KCNQ3: variants seen among roughly 807,000 people sequenced by gnomAD.
KCNQ3 encodes potassium voltage-gated channel subfamily KQT member 3.
A neutral mutation model predicts 92.5 loss-of-function variants in KCNQ3; 30 were observed. The ratio of observed to expected loss-of-function variants is 0.32; its 90% CI spans 0.24 to 0.44. The LOEUF (loss-of-function observed/expected upper bound fraction) is 0.44. Among genes scored for constraint, KCNQ3 ranks in the 20% least tolerant of loss-of-function variants. KCNQ3 has a pLI of 1.00. For synonymous variants in KCNQ3, 450 were observed against 468.8 expected, an observed-to-expected ratio of 0.96 and a Z score of 0.52; for missense variants, 913 against 1,140.3, an observed-to-expected ratio of 0.80 and a Z score of 2.87.
chr8:132,339,833 C>A (rs911706187), intron 1 of KCNQ3, among the ~76,000 whole-genome samples: 1 of 152,008 alleles, frequency 6.6e-6, no homozygotes, highest in Non-Finnish European at 1.5e-5. Context: ...GACACCCAGA[C>A]CCTGGGAACA....
intron 1 of KCNQ3, among the ~76,000 whole-genome samples, chr8:132,473,651 A>G (rs1822341664): frequency 6.6e-6 from 1 of 152,236 alleles, no homozygotes. Context: ...ACAAGAGCCT[A>G]TAACTTACTT....
At chr8:132,242,709 A>G (rs1025254678) in intron 1 of KCNQ3, among the ~76,000 whole-genome samples, 4 of 152,228 alleles carry the variant, frequency 2.6e-5, no homozygotes, top group Non-Finnish European at 5.9e-5. Context: ...TAGGTACCAA[A>G]TGAATATTTA....
In KCNQ3 at chr8:132,174,270, A is replaced by G. The variant is rs139819686; in HGVS notation, c.1013T>C (p.Leu338Ser). Reference sequence around the variant, plus strand: ...AAGGGCAAAAAAGGAGACGCCAATTAAGGAAAAGGTGGCGGCAATCAGACG... The same window carrying G: ...AAGGGCAAAAAAGGAGACGCCAATTGAGGAAAAGGTGGCGGCAATCAGACG... ...EGRLIAATFS[L>S]IGVSFFALPA... Residue 338 changes from leucine to serine, a missense_variant, in exon 6 of 15, where the codon TTA becomes TCA. Leu to Ser is a moderately radical substitution (Grantham distance 145). Around this residue, in one of 6 missense-constraint regions of KCNQ3, gnomAD observed 52 missense variants for 127.7 expected, o/e 0.41. Coordinates refer to ENST00000388996, the MANE Select transcript of KCNQ3 (RefSeq NM_004519.4). 2.6e-6 allele frequency: 4 copies of G among 1,551,654 alleles called. No individual in the cohort carries two copies. In the African/African-American group the frequency reaches 5.5e-5, roughly 21 times the overall value.
intron 1 of KCNQ3, among the ~76,000 whole-genome samples, chr8:132,383,671 G>T (rs529073642): frequency 3.3e-5 from 5 of 152,234 alleles, no homozygotes; most frequent in African/African-American, 1.2e-4. Flanking sequence ...AGCCGAAGCA[G>T]TGCCTGGTAC....
chr8:132,292,150 T>C (rs547437860), intron 1 of KCNQ3, among the ~76,000 whole-genome samples: 4 of 152,170 alleles, frequency 2.6e-5, no homozygotes, highest in Non-Finnish European at 5.9e-5. Context: ...TAATCAAATA[T>C]ATAAAAGGCA....
At chr8:132,459,789 T>C (rs1214764430) in intron 1 of KCNQ3, among the ~76,000 whole-genome samples, 2 of 151,792 alleles carry the variant, frequency 1.3e-5, no homozygotes, top group Non-Finnish European at 2.9e-5. Context: ...AAGTCACTTA[T>C]GCAGCCCTCA....
chr8:132,352,515 G>GTGAGTT (rs1818904844), intron 1 of KCNQ3, among the ~76,000 whole-genome samples: 2 of 152,102 alleles, frequency 1.3e-5, no homozygotes, highest in African/African-American at 4.8e-5. Flanking sequence ...TCACTGCCCC[G>GTGAGTT]AGCTGCTGTG....
At chr8:132,187,786 G>A (rs1475623121) in intron 1 of KCNQ3, among the ~76,000 whole-genome samples, 2 of 149,566 alleles carry the variant, frequency 1.3e-5, no homozygotes, top group African/African-American at 4.9e-5. Flanking sequence ...AGTGATGGTG[G>A]TGGCGGTGGT....
chr8:132,336,261 G>T lies in KCNQ3; in HGVS notation c.386+143886C>A, dbSNP rs563095300. On this transcript the variant is annotated intron_variant, in intron 1 of 14. Coordinates refer to ENST00000388996, the MANE Select transcript of KCNQ3 (RefSeq NM_004519.4). ...CCCTGCACCATTGGCATGGCCTCCAGCTGTGCCTCCACCTCCACATCTGTG... is the reference window on the plus strand; with the variant it reads ...CCCTGCACCATTGGCATGGCCTCCATCTGTGCCTCCACCTCCACATCTGTG... Among the ~76,000 whole-genome samples, 24 of 152,234 alleles carry T rather than the reference G, an allele frequency of 1.6e-4. No individual in the cohort carries two copies. The South Asian group carries it at 5.0e-3, about 32-fold the overall frequency.
At chr8:132,191,643 A>AAT (rs138656437) in intron 1 of KCNQ3, among the ~76,000 whole-genome samples, 5,399 of 148,102 alleles carry the variant, frequency 0.036, 156 homozygotes, top group Non-Finnish European at 0.056. Context: ...TAATATATAT[A>AAT]ATATATATAA....
At chr8:132,243,927 T>C (rs1425846000) in intron 1 of KCNQ3, among the ~76,000 whole-genome samples, 1 of 152,196 alleles carries the variant, frequency 6.6e-6, no homozygotes, top group Admixed American at 6.5e-5. Context: ...TGCCCATCCT[T>C]TACCAAAAAA....
At chr8:132,359,743 C>T (rs968694988) in intron 1 of KCNQ3, among the ~76,000 whole-genome samples, 2 of 152,102 alleles carry the variant, frequency 1.3e-5, no homozygotes, top group African/African-American at 4.8e-5. Context: ...TTACAAAGCA[C>T]CTTTGTATTC....
intron 1 of KCNQ3, among the ~76,000 whole-genome samples, chr8:132,403,032 A>AAAAAAAAAAAAAAAAAAAAAAAAAAAAAT (rs61533581): frequency 1.3e-5 from 2 of 148,662 alleles, no homozygotes; most frequent in Non-Finnish European, 3.0e-5. Flanking sequence ...AAAAAAAAAA[A>AAAAAAAAAAAAAAAAAAAAAAAAAAAAAT]GTGTCAATAT....
chr8:132,272,323 C>A (rs1019662237), intron 1 of KCNQ3, among the ~76,000 whole-genome samples: 2 of 152,190 alleles, frequency 1.3e-5, no homozygotes. Context: ...AGGCTGGAAT[C>A]TGGGCTGTGA....
chr8:132,388,337 T>C (rs941092307), intron 1 of KCNQ3, among the ~76,000 whole-genome samples: 1 of 152,206 alleles, frequency 6.6e-6, no homozygotes, highest in Non-Finnish European at 1.5e-5. Context: ...ACTCCACTTC[T>C]AGGAATACAT....
chr8:132,184,235 A>G lies in KCNQ3; in HGVS notation c.604+6T>C, dbSNP rs775976589. On this transcript the variant is annotated splice_donor_region_variant and intron_variant, in intron 3 of 14. Coordinates refer to ENST00000388996, the MANE Select transcript of KCNQ3 (RefSeq NM_004519.4). ...GGAGGCTGGGAGGCTCAGGGTCAGG[A>G]CTTACCCAACATGCACAGGGGCTTC... is the stretch of plus-strand genomic sequence containing the variant. 8.1e-6 allele frequency: 13 copies of G among 1,614,040 alleles called. No homozygotes were observed. The African/African-American group carries it at 1.7e-4, about 22-fold the overall frequency.
chr8:132,383,292 G>C (rs1819801032), intron 1 of KCNQ3, among the ~76,000 whole-genome samples: 1 of 152,206 alleles, frequency 6.6e-6, no homozygotes, highest in African/African-American at 2.4e-5. Context: ...TGAGAAATCA[G>C]ACATTTTCTC....
chr8:132,170,302 C>A, intron 8 of KCNQ3, 32 bp downstream of exon 8: 4 of 1,495,596 alleles, frequency 2.7e-6, no homozygotes, highest in Non-Finnish European at 1.9e-6. Flanking sequence ...TGGCTGGTCA[C>A]GCCCTGAGCA....
Position 132,480,043 on chromosome 8 carries a change from G to A in KCNQ3, c.386+104C>T, listed in dbSNP as rs915669375. ...GGCTGGTCTCCCCTTCAGCGGGAAA[G>A]CATCCATGGGTCTTAAAGCCCCAGA... On this transcript the variant is annotated intron_variant, in intron 1 of 14. Coordinates refer to ENST00000388996, the MANE Select transcript of KCNQ3 (RefSeq NM_004519.4). 2.7e-6 allele frequency: 3 copies of A among 1,130,956 alleles called. No individual in the cohort carries two copies. The Admixed American group carries it at 6.8e-5, about 26-fold the overall frequency. 70.1% of individuals were successfully genotyped at this position (1,130,956 alleles called of 1,614,324 possible).
Sources: allele counts gnomAD v4.1 joint callset (sites outside exome capture counted in the v4.1 genomes callset), GRCh38; gene constraint gnomAD v4.1.1; regional missense constraint gnomAD v4.1.1; transcripts MANE v1.5; gene names NCBI Gene and HGNC (gene_info 2026-07-23, HGNC 2026-07-21).